EPB41L4A: variants seen among roughly 807,000 people sequenced by gnomAD.
The protein encoded by EPB41L4A is band 4.1-like protein 4A.
In EPB41L4A, 100 loss-of-function variants were observed where a neutral mutation model predicts 108.6. The observed-to-expected ratio is 0.92, with a 90% CI of 0.78 to 1.09. The LOEUF is 1.09. Among genes scored for constraint, EPB41L4A ranks in the 50% least tolerant of loss-of-function variants. The probability of loss-of-function intolerance (pLI) is 0.00; values close to 1 mark genes in which losing one functional copy is unlikely to be tolerated. For missense variants in EPB41L4A, 1,030 were observed against 842.7 expected (o/e 1.22, Z -2.75); for synonymous variants, 319 against 289.0 (o/e 1.10, Z -1.05).
chr5:112,286,973 C>T (rs1182314960), intron 2 of EPB41L4A, among the ~76,000 whole-genome samples: 2 of 152,116 alleles, frequency 1.3e-5, no homozygotes, highest in Admixed American at 6.6e-5. Flanking sequence ...TCTTGAAATA[C>T]GTCACACGCT....
chr5:112,287,933 AAAAG>A (rs1232074208), intron 2 of EPB41L4A, among the ~76,000 whole-genome samples: 4 of 152,216 alleles, frequency 2.6e-5, no homozygotes, highest in Admixed American at 1.3e-4. Context: ...AGATAAGCTA[AAAAG>A]AAAGAAGAAC....
intron 1 of EPB41L4A, among the ~76,000 whole-genome samples, chr5:112,403,909 C>A (rs913503383): frequency 6.6e-6 from 1 of 152,124 alleles, no homozygotes; most frequent in Non-Finnish European, 1.5e-5. Context: ...TTTTCAGCTA[C>A]GACCTCCAAA....
At chr5:112,310,524 G>A (rs1177538755) in intron 1 of EPB41L4A, among the ~76,000 whole-genome samples, 1 of 152,100 alleles carries the variant, frequency 6.6e-6, no homozygotes, top group Non-Finnish European at 1.5e-5. Context: ...TGGCCCGAAC[G>A]CATATCCTTA....
rs1751572990 is a variant in EPB41L4A, at chr5:112,262,591, G to A, written c.555-10C>T. 6.2e-7 allele frequency: 1 copy of A among 1,611,154 alleles called. No individual in the cohort carries two copies. Among genetic ancestry groups the A allele is most frequent in the South Asian group, 1.1e-5 (1 of 90,604 alleles). On this transcript the variant is annotated splice_polypyrimidine_tract_variant and intron_variant, in intron 6 of 22. Transcript: ENST00000261486. ...AGAAGGAATCTGACCCCTACACCCA[G>A]CACAAAAACAAAGAGCCTTATTTTA...
intron 1 of EPB41L4A, among the ~76,000 whole-genome samples, chr5:112,372,564 GA>G (rs1467745153): frequency 6.6e-6 from 1 of 152,210 alleles, no homozygotes; most frequent in Non-Finnish European, 1.5e-5. Flanking sequence ...CTGAAGGCAG[GA>G]AAGTATAGGA....
chr5:112,335,041 A>G (rs543349453), intron 1 of EPB41L4A, among the ~76,000 whole-genome samples: 10 of 152,264 alleles, frequency 6.6e-5, no homozygotes, highest in African/African-American at 1.2e-4. Flanking sequence ...CGTGAAGTCA[A>G]TATGGCCCAG....
chr5:112,149,434 T>G (rs565103795), intron 12 of EPB41L4A, among the ~76,000 whole-genome samples: 1 of 152,176 alleles, frequency 6.6e-6, no homozygotes. Flanking sequence ...ATCGCGCCAC[T>G]GCACTCCAGC....
intron 15 of EPB41L4A, among the ~76,000 whole-genome samples, chr5:112,203,668 T>C (rs187834558): frequency 1.1e-3 from 164 of 152,194 alleles, no homozygotes; most frequent in African/African-American, 3.8e-3. Context: ...TTAAAAGGCG[T>C]TTTTCAGCTA....
chr5:112,280,488 G>C (rs1278649837), intron 2 of EPB41L4A, among the ~76,000 whole-genome samples, 165 bp from the exon 3 acceptor site: 2 of 152,026 alleles, frequency 1.3e-5, no homozygotes, highest in African/African-American at 2.4e-5. Context: ...TCTGCAGCAA[G>C]AACAGTAAAA....
chr5:112,386,099 G>C (rs1169292951), intron 1 of EPB41L4A, among the ~76,000 whole-genome samples: 1 of 152,186 alleles, frequency 6.6e-6, no homozygotes, highest in Non-Finnish European at 1.5e-5. Flanking sequence ...GTGATGCACT[G>C]CATCCTTTCA....
intron 1 of EPB41L4A, among the ~76,000 whole-genome samples, chr5:112,365,987 G>T (rs184877474): frequency 2.0e-3 from 306 of 152,308 alleles, no homozygotes; most frequent in African/African-American, 7.1e-3. Flanking sequence ...AAAGCCCTAT[G>T]CTGGGAAGAG....
intron 18 of EPB41L4A, among the ~76,000 whole-genome samples, chr5:112,180,674 C>T (rs1166752252): frequency 2.5e-5 from 3 of 121,934 alleles, no homozygotes; most frequent in South Asian, 5.3e-4. Flanking sequence ...AAAAAAAAAG[C>T]CTTAACTAGA....
intron 1 of EPB41L4A, among the ~76,000 whole-genome samples, chr5:112,353,605 T>A (rs1429506348): frequency 6.6e-6 from 1 of 151,914 alleles, no homozygotes; most frequent in Non-Finnish European, 1.5e-5. Context: ...ATCCCAGCAG[T>A]GGTACACATG....
intron 12 of EPB41L4A, among the ~76,000 whole-genome samples, chr5:112,212,305 T>TC (rs772631695): frequency 0.011 from 1,632 of 149,296 alleles, 20 homozygotes; most frequent in Middle Eastern, 0.052. Flanking sequence ...TTTTTTTTTT[T>TC]CTCCTGAGAC....
At chr5:112,349,372 C>A (rs1445916477) in intron 1 of EPB41L4A, among the ~76,000 whole-genome samples, 1 of 151,960 alleles carries the variant, frequency 6.6e-6, no homozygotes, top group Non-Finnish European at 1.5e-5. Flanking sequence ...TGCACTGAGA[C>A]AAGGGCAAGA....
chr5:112,351,537 T>G (rs1056461845), intron 1 of EPB41L4A, among the ~76,000 whole-genome samples: 3 of 152,156 alleles, frequency 2.0e-5, no homozygotes, highest in Non-Finnish European at 4.4e-5. Context: ...CTAATAAGCT[T>G]ATGAAGAACA....
intron 12 of EPB41L4A, among the ~76,000 whole-genome samples, chr5:112,149,624 T>G (rs976197103): frequency 3.0e-4 from 46 of 152,176 alleles, no homozygotes; most frequent in African/African-American, 1.1e-3. Context: ...AAGGAACAAA[T>G]TGAAAAAACC....
intron 1 of EPB41L4A, among the ~76,000 whole-genome samples, chr5:112,348,510 A>T (rs1757830341): frequency 6.6e-6 from 1 of 152,216 alleles, no homozygotes; most frequent in Admixed American, 6.5e-5. Context: ...AGTTGCAGAC[A>T]AAACCTAAAG....
upstream of EPB41L4A, chr5:112,419,393 G>GCAA (rs1201559022): frequency 2.8e-6 from 1 of 360,522 alleles, no homozygotes; most frequent in East Asian, 7.5e-5. Flanking sequence ...CTGGCACTGG[G>GCAA]GGCAAGAGAC....
Sources: gnomAD v4.1 joint callset for allele counts (sites outside exome capture counted in the v4.1 genomes callset) on GRCh38, gnomAD v4.1.1 for gene constraint, MANE v1.5 for transcripts, NCBI Gene and HGNC (gene_info 2026-07-23, HGNC 2026-07-21) for gene names.